TRNP1: variants seen among roughly 807,000 people sequenced by gnomAD.
TRNP1 encodes the protein TMF-regulated nuclear protein 1.
In TRNP1, 16 loss-of-function variants were observed where a neutral mutation model predicts 12.2. The ratio of observed to expected loss-of-function variants is 1.31; its 90% CI spans 0.89 to 1.99. TRNP1 has a LOEUF of 1.99. TRNP1 is among the 30% of genes most tolerant of loss of function. The probability of loss-of-function intolerance (pLI) is 0.00; values close to 1 mark genes in which losing one functional copy is unlikely to be tolerated. For synonymous variants in TRNP1, 139 were observed against 166.2 expected (o/e 0.84, Z 1.26); for missense variants, 338 against 330.4 (o/e 1.02, Z -0.18).
chr1:26,997,923 C>CT (rs2082553303), intron 1 of TRNP1, among the ~76,000 whole-genome samples: 1 of 152,144 alleles, frequency 6.6e-6, no homozygotes, highest in Non-Finnish European at 1.5e-5. Flanking sequence ...GTCCCCGGGG[C>CT]TTCCTAGACC....
chr1:26,994,072 G>A lies in TRNP1; in HGVS notation c.286G>A (p.Ala96Thr), dbSNP rs1459139754. ...AGGGGGCTCTGGCGCGGCTGCGGGG[G>A]CGGGGGGCCGCGCGCTGGAGCTGGC... is the stretch of plus-strand genomic sequence containing the variant. ...PGGGSGAAAG[A>T]GGRALELAEA... The change falls in exon 1 of 2, where the codon GCG becomes ACG. Residue 96 changes from alanine to threonine, a missense_variant. Transcript: ENST00000522111. The surrounding 1 kb of genome is among the most constrained non-coding windows in gnomAD (Gnocchi z 6.9). The A allele has an allele frequency of 4.1e-6, 5 of 1,217,180 alleles. No homozygotes were observed. Among genetic ancestry groups the A allele is most frequent in the Admixed American group, 4.4e-5 (1 of 22,844 alleles). The allele number at this position is 1,217,180 out of a possible 1,614,324, so 75.4% of individuals were successfully genotyped here.
rs1309635011 is a variant in TRNP1 at position 27,000,740 on chromosome 1, C to T, written c.*1036C>T. The T allele has an allele frequency of 6.6e-6, 1 of 152,156 alleles. No homozygotes were observed. The highest frequency in any genetic ancestry group is 6.6e-5 in the Admixed American group (1 of 15,264). 9.4% of individuals were successfully genotyped at this position (152,156 alleles called of 1,614,324 possible). ...TTATGGCTCTTTAAGTTGACGGTTC[C>T]TGGAGCAGCTTGTATTTAGTTTCGT... On this transcript the variant is annotated 3_prime_UTR_variant, in exon 2 of 2. Coordinates refer to ENST00000522111, the MANE Select transcript of TRNP1 (RefSeq NM_001013642.3).
At chr1:26,996,316 C>T (rs1051510653) in intron 1 of TRNP1, among the ~76,000 whole-genome samples, 1 of 152,192 alleles carries the variant, frequency 6.6e-6, no homozygotes, top group Non-Finnish European at 1.5e-5. Context: ...ATGGGATCCT[C>T]CCTCATCAGC....
At chr1:26,997,841 GA>G (rs1333515698) in intron 1 of TRNP1, among the ~76,000 whole-genome samples, 1 of 152,166 alleles carries the variant, frequency 6.6e-6, no homozygotes, top group East Asian at 1.9e-4. Context: ...GCTTTCTCGA[GA>G]CGAAGGGGTG....
In TRNP1 at chr1:26,994,042, C is replaced by G; in HGVS notation, c.256C>G (p.Pro86Ala). Residue 86 changes from proline (P) to alanine (A), a missense_variant, in exon 1 of 2, where the codon CCC becomes GCC. By Grantham distance (27) the Pro-to-Ala change is conservative (BLOSUM62 -1). Coordinates refer to ENST00000522111, the MANE Select transcript of TRNP1 (RefSeq NM_001013642.3). The surrounding 1 kb of genome is among the most constrained non-coding windows in gnomAD (Gnocchi z 6.9). ...GASGIAGLAG[P>A]GGGSGAAAGA... The stretch of plus-strand genomic sequence containing the variant: ...TAGCGGGATCGCGGGGCTCGCCGGC[C>G]CCGGAGGGGGCTCTGGCGCGGCTGC... 1 of 1,233,062 alleles carries G rather than the reference C, an allele frequency of 8.1e-7. No individual in the cohort carries two copies. 76.4% of individuals were successfully genotyped at this position (1,233,062 alleles called of 1,614,324 possible).
At position 26,997,318 on chromosome 1, in the gene TRNP1, G is replaced by GAA. The variant is rs3028529; in HGVS notation, c.*143-2508_*143-2507dup. Among the ~76,000 whole-genome samples the GAA allele has an allele frequency of 6.7e-3, 547 of 81,790 alleles. 8 individuals carry two copies. The highest frequency in any genetic ancestry group is 0.016 in the East Asian group (43 of 2,756). 53.7% of individuals were successfully genotyped at this position (81,790 alleles called of 152,430 possible). A position where few individuals can be genotyped will look rare whatever the true frequency, so the allele number is the denominator to read the frequency against. ...GCAACAGAGCAAGACTGTGTCTCAA[G>GAA]AAAAAAAAAAAAAAAAAAAAAAGCT... is the stretch of plus-strand genomic sequence containing the variant. On this transcript the variant is annotated intron_variant, in intron 1 of 1. Transcript: ENST00000522111.
chr1:26,993,824 C>G lies in TRNP1; in HGVS notation c.38C>G (p.Ala13Gly). ...GCRISACGPG[A>G]QEGTAEQRSP... Reference sequence around the variant, plus strand: ...CGCATCAGCGCCTGCGGCCCGGGGGCCCAGGAGGGGACGGCAGAGCAGAGG... The same window carrying G: ...CGCATCAGCGCCTGCGGCCCGGGGGGCCAGGAGGGGACGGCAGAGCAGAGG... The change falls in exon 1 of 2, where the codon GCC becomes GGC. Residue 13 changes from alanine (A) to glycine (G), a missense_variant. Coordinates refer to ENST00000522111, the MANE Select transcript of TRNP1 (RefSeq NM_001013642.3). The G allele has an allele frequency of 7.5e-7, 1 of 1,339,124 alleles. No individual in the cohort carries two copies. The highest frequency in any genetic ancestry group is 9.5e-7 in the Non-Finnish European group (1 of 1,050,906). 83.0% of individuals were successfully genotyped at this position (1,339,124 alleles called of 1,614,324 possible). A position where few individuals can be genotyped will look rare whatever the true frequency, so the allele number is the denominator to read the frequency against.
rs1183752745 is a variant in TRNP1 at position 26,994,230 on chromosome 1, G to C, written c.444G>C (p.Leu148=). The C allele has an allele frequency of 2.8e-5, 35 of 1,249,894 alleles. No individual in the cohort carries two copies. The highest frequency in any genetic ancestry group is 3.1e-4 in the Middle Eastern group (1 of 3,214). The allele number at this position is 1,249,894 out of a possible 1,614,324, so 77.4% of individuals were successfully genotyped here. A position where few individuals can be genotyped will look rare whatever the true frequency, so the allele number is the denominator to read the frequency against. ...GCCTGGCGCACCGCGCGGAGAGCCT[G>C]AGCCGCCTGAGCGGCGGCGTGGCGC... ...ELRLAHRAES[L]SRLSGGVAQA... The change falls in exon 1 of 2, where the codon CTG becomes CTC. Residue 148 remains leucine, a synonymous_variant. Transcript: ENST00000522111. This position sits in a 1 kb window ranked among gnomAD's most constrained non-coding sequence, Gnocchi z 6.9.
intron 1 of TRNP1, among the ~76,000 whole-genome samples, chr1:26,997,269 A>T (rs2082549468): frequency 8.1e-6 from 1 of 124,160 alleles, no homozygotes; most frequent in East Asian, 2.9e-4. Flanking sequence ...CGGGAGGTGG[A>T]GGTTGCACCG....
Position 26,993,877 on chromosome 1 carries a change from C to T in TRNP1, c.91C>T (p.Pro31Ser), listed in dbSNP as rs1361372308. ...RSPPPPWDPM[P>S]SSQPPPPTPT... is the part of the protein sequence containing the mutation. ...GCCGCCGCCGCCCTGGGATCCCATG[C>T]CGTCCTCTCAGCCCCCGCCCCCAAC... The change falls in exon 1 of 2, where the codon CCG (proline) becomes TCG (serine). Residue 31 changes from proline to serine, a missense_variant. Physicochemically the swap from Pro to Ser is moderately conservative, Grantham distance 74. Coordinates refer to ENST00000522111, the MANE Select transcript of TRNP1 (RefSeq NM_001013642.3). The T allele has an allele frequency of 1.5e-6, 2 of 1,374,162 alleles. No individual in the cohort carries two copies. Among genetic ancestry groups the T allele is most frequent in the South Asian group, 3.4e-5 (2 of 58,362 alleles). The allele number at this position is 1,374,162 out of a possible 1,614,324, so 85.1% of individuals were successfully genotyped here. A position where few individuals can be genotyped will look rare whatever the true frequency, so the allele number is the denominator to read the frequency against.
At position 26,994,326 on chromosome 1, in the gene TRNP1, A is replaced by AC. The variant is rs1221853988; in HGVS notation, c.546dup (p.Ala183ArgfsTer90). ...GCCCGCGCCGCGGCCGCCGCGGCCG[A>AC]CCCCCCGCGCTGCTGGCCTCGGCGC... is the stretch of plus-strand genomic sequence containing the variant. On this transcript the variant is annotated frameshift_variant, in exon 1 of 2. Transcript: ENST00000522111. LOFTEE classifies it high-confidence loss of function. This position sits in a 1 kb window ranked among gnomAD's most constrained non-coding sequence, Gnocchi z 6.9. 9.1e-6 allele frequency: 10 copies of AC among 1,101,334 alleles called. No homozygotes were observed. The highest frequency in any genetic ancestry group is 1.7e-5 in the African/African-American group (1 of 58,524). 68.2% of individuals were successfully genotyped at this position (1,101,334 alleles called of 1,614,324 possible). A position where few individuals can be genotyped will look rare whatever the true frequency, so the allele number is the denominator to read the frequency against.
chr1:26,993,722 T>C lies in TRNP1; in HGVS notation c.-65T>C. The C allele has an allele frequency of 1.6e-6, 2 of 1,232,328 alleles. No homozygotes were observed. Among genetic ancestry groups the C allele is most frequent in the African/African-American group, 3.3e-5 (2 of 59,810 alleles). The allele number at this position is 1,232,328 out of a possible 1,614,324, so 76.3% of individuals were successfully genotyped here. On this transcript the variant is annotated 5_prime_UTR_variant, in exon 1 of 2. Transcript: ENST00000522111. The stretch of plus-strand genomic sequence containing the variant: ...GGGGGCTGTGGCCGTGTCTAGCTGT[T>C]CGGGTGTGCTGTGGTCATCCTCCCT...
At chr1:26,996,498 C>A (rs1419032303) in intron 1 of TRNP1, among the ~76,000 whole-genome samples, 1 of 152,194 alleles carries the variant, frequency 6.6e-6, no homozygotes, top group African/African-American at 2.4e-5. Flanking sequence ...TCTGGTCTTT[C>A]CAAACAGGGA....
chr1:26,994,021 G>A lies in TRNP1; in HGVS notation c.235G>A (p.Gly79Arg). Reference protein sequence around the residue: ...ELQRWRQGASGIAGLAGPGGG... With the variant: ...ELQRWRQGASRIAGLAGPGGG... ...GCAGCGCTGGCGCCAGGGCGCTAGCGGGATCGCGGGGCTCGCCGGCCCCGG... is the reference window on the plus strand; with the variant it reads ...GCAGCGCTGGCGCCAGGGCGCTAGCAGGATCGCGGGGCTCGCCGGCCCCGG... Residue 79 changes from glycine to arginine, a missense_variant, in exon 1 of 2, where the codon GGG (glycine) becomes AGG (arginine). Transcript: ENST00000522111. This position sits in a 1 kb window ranked among gnomAD's most constrained non-coding sequence, Gnocchi z 6.9. 8.0e-7 allele frequency: 1 copy of A among 1,247,804 alleles called. No individual in the cohort carries two copies. The highest frequency in any genetic ancestry group is 1.0e-6 in the Non-Finnish European group (1 of 997,160). The allele number at this position is 1,247,804 out of a possible 1,614,324, so 77.3% of individuals were successfully genotyped here.
Position 26,994,840 on chromosome 1 carries a change from G to A in TRNP1, c.*142+228G>A, listed in dbSNP as rs1463914675. Among the ~76,000 whole-genome samples, 1 of 152,206 alleles carries A rather than the reference G, an allele frequency of 6.6e-6. No individual in the cohort carries two copies. Among genetic ancestry groups the A allele is most frequent in the African/African-American group, 2.4e-5 (1 of 41,450 alleles). ...GAGGGGGCTCAGATCCCAGGAACGG[G>A]TTGGCGGCAAACTTTTACCACTTGG... On this transcript the variant is annotated intron_variant, in intron 1 of 1. Transcript: ENST00000522111. This position sits in a 1 kb window ranked among gnomAD's most constrained non-coding sequence, Gnocchi z 6.9.
chr1:26,999,396 G>C (rs560111569), intron 1 of TRNP1, among the ~76,000 whole-genome samples: 42 of 152,258 alleles, frequency 2.8e-4, no homozygotes, highest in African/African-American at 1.0e-3. Flanking sequence ...AAAAGAAAAA[G>C]AAAACTTGAG....
At chr1:26,996,866 C>T (rs576321409) in intron 1 of TRNP1, among the ~76,000 whole-genome samples, 1 of 152,134 alleles carries the variant, frequency 6.6e-6, no homozygotes, top group South Asian at 2.1e-4. Flanking sequence ...CTGCCCCCTC[C>T]CTCCACTTCC....
Position 27,000,493 on chromosome 1 carries a change from A to C in TRNP1, c.*789A>C, listed in dbSNP as rs1005782790. On this transcript the variant is annotated 3_prime_UTR_variant, in exon 2 of 2. Transcript: ENST00000522111. ...ATGTAAAACATCTAAGCAAAGTTTT[A>C]AATGAAAAAAAGGAAACACATTTAA... is the stretch of plus-strand genomic sequence containing the variant. 1 of 152,646 alleles carries C rather than the reference A, an allele frequency of 6.6e-6. No homozygotes were observed. Among genetic ancestry groups the C allele is most frequent in the African/African-American group, 2.4e-5 (1 of 41,456 alleles). The allele number at this position is 152,646 out of a possible 1,614,324, so 9.5% of individuals were successfully genotyped here.
At chr1:26,999,550 C>T (rs1277973660) in intron 1 of TRNP1, among the ~76,000 whole-genome samples, 1 of 152,128 alleles carries the variant, frequency 6.6e-6, no homozygotes, top group African/African-American at 2.4e-5. Context: ...ATCACCATAT[C>T]AGGAATCCCT....
Sources: gnomAD v4.1 joint callset for allele counts (sites outside exome capture counted in the v4.1 genomes callset) on GRCh38, gnomAD v4.1.1 for gene constraint, Gnocchi (gnomAD v3.1) non-coding constraint, MANE v1.5 for transcripts, NCBI Gene and HGNC (gene_info 2026-07-23, HGNC 2026-07-21) for gene names.